ARHGAP19: variants seen among roughly 807,000 people sequenced by gnomAD.
ARHGAP19 encodes the protein Rho GTPase activating protein 19.
In ARHGAP19, 48 loss-of-function variants were observed where a neutral mutation model predicts 60.9. The observed-to-expected ratio is 0.79, with a 90% CI of 0.62 to 1.00. ARHGAP19 has a LOEUF of 1.00. ARHGAP19 is among the 50% of genes least tolerant of loss of function. The pLI, the probability that ARHGAP19 is intolerant of heterozygous loss-of-function variation, is 0.00. For missense variants in ARHGAP19, 562 were observed against 597.2 expected (o/e 0.94, Z 0.61); for synonymous variants, 209 against 215.5 (o/e 0.97, Z 0.27).
At chr10:97,273,041 C>T (rs1488040882) in intron 1 of ARHGAP19, among the ~76,000 whole-genome samples, 14 of 151,934 alleles carry the variant, frequency 9.2e-5, no homozygotes, top group African/African-American at 2.2e-4. Flanking sequence ...GGGGTTTCAC[C>T]GTGTTAGCCA....
intron 6 of ARHGAP19, among the ~76,000 whole-genome samples, chr10:97,250,778 AAAG>A (rs1842633297): frequency 6.6e-6 from 1 of 152,036 alleles, no homozygotes; most frequent in Admixed American, 6.6e-5. Flanking sequence ...TAAAAAAAAG[AAAG>A]AAGGCCAAGA....
At chr10:97,247,038 G>A (rs1430761160) in intron 6 of ARHGAP19, among the ~76,000 whole-genome samples, 1 of 151,972 alleles carries the variant, frequency 6.6e-6, no homozygotes, top group Non-Finnish European at 1.5e-5. Context: ...TCAGGAGACT[G>A]AGGCAGGAGA....
intron 1 of ARHGAP19, among the ~76,000 whole-genome samples, chr10:97,288,367 G>A (rs572756678): frequency 4.6e-5 from 7 of 152,054 alleles, no homozygotes; most frequent in Admixed American, 3.9e-4. Flanking sequence ...GGATCATGAG[G>A]TCAAGAGATG....
At chr10:97,271,398 A>C (rs1475514223) in intron 1 of ARHGAP19, among the ~76,000 whole-genome samples, 1 of 152,142 alleles carries the variant, frequency 6.6e-6, no homozygotes, top group African/African-American at 2.4e-5. Flanking sequence ...CAAGCCACAG[A>C]CTGAAAAAAA....
chr10:97,285,505 T>TCTTTTTTTTTTTG (rs72522408), intron 1 of ARHGAP19, among the ~76,000 whole-genome samples: 2 of 91,076 alleles, frequency 2.2e-5, no homozygotes, highest in Non-Finnish European at 5.3e-5. Context: ...GATAATTTTC[T>TCTTTTTTTTTTTG]CTTTTTTTTT....
At position 97,263,529 on chromosome 10, in the gene ARHGAP19, T is replaced by G. The variant is rs1410753179; in HGVS notation, c.504A>C (p.Ser168=). 1.3e-5 allele frequency: 21 copies of G among 1,614,042 alleles called. No individual in the cohort carries two copies. The highest frequency in any genetic ancestry group is 2.2e-5 in the East Asian group (1 of 44,886). Residue 168 remains serine, a synonymous_variant, in exon 4 of 12, where the codon TCA becomes TCC. Transcript: ENST00000358531. ...CAACATCATTTGAGTGAAATTCCCC[T>G]GATTCCAAGTCAATGTCAGTTCCAT... ...LNNGTDIDLE[S]GEFHSNDVAT...
intron 11 of ARHGAP19, among the ~76,000 whole-genome samples, chr10:97,227,369 T>C (rs1850917169): frequency 6.6e-6 from 1 of 151,950 alleles, no homozygotes; most frequent in African/African-American, 2.4e-5. Flanking sequence ...GTAGTTATCA[T>C]ACAGAGAGCA....
At chr10:97,246,194 G>T in intron 7 of ARHGAP19, 78 bp downstream of exon 7, 1 of 1,178,586 alleles carries the variant, frequency 8.5e-7, no homozygotes, top group Non-Finnish European at 1.3e-6. Flanking sequence ...CTTTTACTTT[G>T]ACTTCATACT....
intron 1 of ARHGAP19, among the ~76,000 whole-genome samples, chr10:97,273,170 T>G (rs1355173692): frequency 6.6e-6 from 1 of 152,006 alleles, no homozygotes; most frequent in Non-Finnish European, 1.5e-5. Flanking sequence ...AGTTTCTTTT[T>G]TTTTCTCTTT....
intron 1 of ARHGAP19, chr10:97,277,938 T>G (rs1220257677): frequency 6.6e-6 from 1 of 152,250 alleles, no homozygotes; most frequent in East Asian, 1.9e-4. Context: ...AATTCCCATT[T>G]TCCAGAGTTA....
chr10:97,238,029 C>A (rs1163093625), intron 8 of ARHGAP19, among the ~76,000 whole-genome samples: 1 of 151,976 alleles, frequency 6.6e-6, no homozygotes, highest in Non-Finnish European at 1.5e-5. Flanking sequence ...CAGCCTCAGG[C>A]AAGTCTTTCA....
chr10:97,253,497 G>A (rs1842716456), intron 6 of ARHGAP19, among the ~76,000 whole-genome samples: 1 of 152,158 alleles, frequency 6.6e-6, no homozygotes, highest in Admixed American at 6.6e-5. Context: ...ATAGGTGTTA[G>A]GGGTGAGAGT....
intron 9 of ARHGAP19, 122 bp from the exon 10 acceptor site, chr10:97,229,996 G>GAGAGGGTCCATACAGGA: frequency 1.4e-6 from 1 of 700,764 alleles, no homozygotes; most frequent in Non-Finnish European, 2.3e-6. Context: ...TGATAATCCT[G>GAGAGGGTCCATACAGGA]TATGGACCCT....
intron 5 of ARHGAP19, among the ~76,000 whole-genome samples, chr10:97,257,984 G>T (rs900968076): frequency 6.6e-6 from 1 of 152,122 alleles, no homozygotes; most frequent in African/African-American, 2.4e-5. Context: ...TAAGTGAACC[G>T]ACATACAGCA....
intron 4 of ARHGAP19, among the ~76,000 whole-genome samples, chr10:97,262,849 C>T (rs1377912163): frequency 3.3e-5 from 5 of 152,218 alleles, no homozygotes; most frequent in African/African-American, 4.8e-5. Context: ...GGCACAGTGG[C>T]TCATGCCTAT....
intron 6 of ARHGAP19, among the ~76,000 whole-genome samples, chr10:97,250,709 C>T (rs1054904465): frequency 2.0e-5 from 3 of 150,150 alleles, no homozygotes; most frequent in Admixed American, 6.7e-5. Context: ...AACTATAAAA[C>T]GGAGCTTAAG....
intron 3 of ARHGAP19, among the ~76,000 whole-genome samples, chr10:97,264,127 C>G (rs1234668774): frequency 1.3e-5 from 2 of 152,076 alleles, no homozygotes; most frequent in East Asian, 3.9e-4. Flanking sequence ...CTAAGAGATT[C>G]CCAGAAGCTT....
chr10:97,227,547 GGAA>G (rs1164893517), intron 11 of ARHGAP19, among the ~76,000 whole-genome samples: 1 of 152,166 alleles, frequency 6.6e-6, no homozygotes, highest in Non-Finnish European at 1.5e-5. Flanking sequence ...GAATTAAAGA[GGAA>G]GAAGAACGAG....
intron 1 of ARHGAP19, chr10:97,270,634 T>C (rs758695088): frequency 2.9e-5 from 45 of 1,548,748 alleles, no homozygotes; most frequent in Middle Eastern, 3.3e-4. Flanking sequence ...TGATGAGGCA[T>C]TGGTAAATCG....
Sources: allele counts gnomAD v4.1 joint callset (sites outside exome capture counted in the v4.1 genomes callset), GRCh38; gene constraint gnomAD v4.1.1; transcripts MANE v1.5; gene names NCBI Gene and HGNC (gene_info 2026-07-23, HGNC 2026-07-21).